The following KRABD5 variants were observed in gnomAD, a reference collection of about 807,000 sequenced individuals.
KRABD5 encodes KRAB domain containing 5, also known as KRAB domain-containing protein 5.
chr16:31,755,575 C>T, the KRABD5 span: 4 of 465,776 alleles, frequency 8.6e-6, no homozygotes, highest in Non-Finnish European at 1.8e-5. Context: ...GTGGCATCTC[C>T]TTTAACCGGT....
the KRABD5 span, chr16:31,758,617 T>C: frequency 6.6e-6 from 1 of 151,228 alleles, no homozygotes. Context: ...CTATTAAAAA[T>C]GAAAAAATTA....
the KRABD5 span, among the ~76,000 whole-genome samples, chr16:31,747,198 T>A: frequency 7.2e-6 from 1 of 139,786 alleles, no homozygotes; most frequent in Admixed American, 7.2e-5. Context: ...TGTCCATGTG[T>A]TCTCATTGTT....
chr16:31,746,787 G>C, the KRABD5 span, among the ~76,000 whole-genome samples: 1 of 152,040 alleles, frequency 6.6e-6, no homozygotes, highest in Admixed American at 6.6e-5. Context: ...GTGAAGTCAC[G>C]TATTTCTTGG....
At chr16:31,737,482 T>C in the KRABD5 span, among the ~76,000 whole-genome samples, 2 of 151,476 alleles carry the variant, frequency 1.3e-5, no homozygotes. Context: ...CATTTTGAGT[T>C]CATGTTTGTA....
the KRABD5 span, chr16:31,759,262 C>G: frequency 1.8e-5 from 24 of 1,326,576 alleles, no homozygotes; most frequent in Admixed American, 4.5e-5. Flanking sequence ...ATATGAAAAA[C>G]CAAGCACACA....
the KRABD5 span, chr16:31,714,398 C>T: frequency 1.8e-5 from 8 of 456,204 alleles, no homozygotes; most frequent in Non-Finnish European, 3.1e-5. Context: ...TGGGCACCTG[C>T]TCCTGTCCCT....
chr16:31,735,143 A>T, the KRABD5 span, among the ~76,000 whole-genome samples: 1 of 148,704 alleles, frequency 6.7e-6, no homozygotes, highest in Non-Finnish European at 1.5e-5. Context: ...CAGGTTACTC[A>T]TTTGAGTAAG....
At chr16:31,731,277 A>G in the KRABD5 span, among the ~76,000 whole-genome samples, 1 of 152,204 alleles carries the variant, frequency 6.6e-6, no homozygotes, top group South Asian at 2.1e-4. Context: ...CATGACTGCT[A>G]CTGGGTCTGC....
chr16:31,740,920 C>T, the KRABD5 span, among the ~76,000 whole-genome samples: 2 of 152,170 alleles, frequency 1.3e-5, no homozygotes, highest in Non-Finnish European at 2.9e-5. Context: ...ATGATCCCAT[C>T]ATCCAGATAA....
the KRABD5 span, chr16:31,723,191 G>A: frequency 6.6e-7 from 1 of 1,516,330 alleles, no homozygotes; most frequent in Non-Finnish European, 9.0e-7. Context: ...TCTTTACTGA[G>A]TATCCTACTG....
chr16:31,734,505 G>A, the KRABD5 span, among the ~76,000 whole-genome samples: 16 of 151,970 alleles, frequency 1.1e-4, no homozygotes, highest in Non-Finnish European at 2.2e-4. Flanking sequence ...TCCTGCTTCC[G>A]CCTCCCAAAG....
At chr16:31,756,824 TAGAA>T in the KRABD5 span, 2 of 152,136 alleles carry the variant, frequency 1.3e-5, no homozygotes, top group Non-Finnish European at 2.9e-5. Flanking sequence ...TGTACTAAGA[TAGAA>T]AGAAAAAGGT....
the KRABD5 span, chr16:31,723,128 A>T: frequency 2.0e-6 from 2 of 988,534 alleles, no homozygotes; most frequent in Admixed American, 3.0e-5. Context: ...AAAGAAGCTG[A>T]CAGGAAACAG....
At chr16:31,740,475 A>G in the KRABD5 span, among the ~76,000 whole-genome samples, 1 of 151,962 alleles carries the variant, frequency 6.6e-6, no homozygotes, top group African/African-American at 2.4e-5. Flanking sequence ...TCTTTTGTTA[A>G]TTTGTCTGTG....
the KRABD5 span, among the ~76,000 whole-genome samples, chr16:31,753,310 C>T: frequency 6.6e-6 from 1 of 152,166 alleles, no homozygotes; most frequent in Admixed American, 6.5e-5. Context: ...CATGTTTGTT[C>T]TCAGTTGACC....
At chr16:31,746,231 G>A in the KRABD5 span, among the ~76,000 whole-genome samples, 17 of 151,970 alleles carry the variant, frequency 1.1e-4, no homozygotes, top group South Asian at 2.1e-3. Context: ...TTATGTTTTT[G>A]TGTTTTTCCA....
the KRABD5 span, chr16:31,714,507 C>T: frequency 2.2e-6 from 1 of 445,054 alleles, no homozygotes; most frequent in South Asian, 1.6e-5. Flanking sequence ...GGTTTTAGAG[C>T]TCGCTAGATG....
the KRABD5 span, among the ~76,000 whole-genome samples, chr16:31,734,732 T>A: frequency 6.6e-6 from 1 of 151,636 alleles, no homozygotes; most frequent in East Asian, 1.9e-4. Context: ...TTATATCAGC[T>A]TTTTTTTCCT....
chr16:31,727,260 C>G, the KRABD5 span, among the ~76,000 whole-genome samples: 1 of 152,154 alleles, frequency 6.6e-6, no homozygotes, highest in Non-Finnish European at 1.5e-5. Flanking sequence ...GATATGAGTG[C>G]CTTTTATTTC....
Sources: gnomAD v4.1 joint callset for allele counts (sites outside exome capture counted in the v4.1 genomes callset) on GRCh38, gnomAD v4.1.1 for gene constraint, MANE v1.5 for transcripts, NCBI Gene and HGNC (gene_info 2026-07-23, HGNC 2026-07-21) for gene names.